The following HAS2 variants were observed in gnomAD, a reference collection of about 807,000 sequenced individuals.
HAS2 encodes the protein HA synthase 2.
In HAS2, 16 loss-of-function variants were observed where a neutral mutation model predicts 51.6. The observed-to-expected ratio is 0.31, with a 90% CI of 0.21 to 0.47. The LOEUF (loss-of-function observed/expected upper bound fraction) is 0.47, where lower values mean the gene tolerates loss of function less well. HAS2 is among the 20% of genes least tolerant of loss of function. The pLI is 1.00. For synonymous variants in HAS2, 228 were observed against 235.5 expected (o/e 0.97, Z 0.29); for missense variants, 361 against 662.6 (o/e 0.54, Z 5.00).
At position 121,614,754 on chromosome 8, in the gene HAS2, A is replaced by C. The variant is rs754644609; in HGVS notation, c.1014T>G (p.Thr338=). 1.2e-6 allele frequency: 2 copies of C among 1,614,242 alleles called. No individual in the cohort carries two copies. Among genetic ancestry groups the C allele is most frequent in the Non-Finnish European group, 1.7e-6 (2 of 1,180,036 alleles). Residue 338 remains threonine (T), a synonymous_variant, in exon 4 of 4, where the codon ACT becomes ACG. Transcript: ENST00000303924. This position sits in a 1 kb window ranked among gnomAD's most constrained non-coding sequence, Gnocchi z 7.2. The part of the protein sequence containing the change: ...TKYTARSKCL[T]ETPIEYLRWL... ...ATCTGAGATATTCTATAGGTGTTTC[A>C]GTAAGGCACTTAGATCGAGCTGTGT... is the stretch of plus-strand genomic sequence containing the variant.
chr8:121,636,769 T>C (rs1183871069), intron 1 of HAS2, among the ~76,000 whole-genome samples: 1 of 152,140 alleles, frequency 6.6e-6, no homozygotes, highest in African/African-American at 2.4e-5. Context: ...TATCTATAGG[T>C]CAAAACCCTA....
chr8:121,628,483 A>T (rs547995417), intron 2 of HAS2, among the ~76,000 whole-genome samples: 1 of 152,160 alleles, frequency 6.6e-6, no homozygotes, highest in Non-Finnish European at 1.5e-5. Context: ...CCTGATTTTT[A>T]ACCAATAACA....
chr8:121,633,136 C>CTTTTTTT (rs71816016), intron 1 of HAS2, among the ~76,000 whole-genome samples: 1 of 128,018 alleles, frequency 7.8e-6, no homozygotes, highest in Non-Finnish European at 1.6e-5. Flanking sequence ...GTTTCCCTAC[C>CTTTTTTT]TTTTTTTTTT....
chr8:121,626,056 G>C (rs758636339), intron 2 of HAS2, among the ~76,000 whole-genome samples: 4 of 152,140 alleles, frequency 2.6e-5, no homozygotes, highest in Non-Finnish European at 5.9e-5. Flanking sequence ...AGAGCTGGTA[G>C]CTGTTAAAGC....
intron 2 of HAS2, among the ~76,000 whole-genome samples, chr8:121,619,645 G>A (rs1386599962): frequency 6.6e-6 from 1 of 152,100 alleles, no homozygotes; most frequent in Non-Finnish European, 1.5e-5. Flanking sequence ...CCGGAACCTA[G>A]AAGAATTCCC....
At chr8:121,625,593 C>T (rs1812836881) in intron 2 of HAS2, among the ~76,000 whole-genome samples, 1 of 151,284 alleles carries the variant, frequency 6.6e-6, no homozygotes, top group South Asian at 2.1e-4. Flanking sequence ...CTTAGTACAG[C>T]CTGGACCTCC....
intron 2 of HAS2, among the ~76,000 whole-genome samples, chr8:121,625,634 G>A (rs920229745): frequency 8.1e-5 from 12 of 148,782 alleles, no homozygotes; most frequent in African/African-American, 3.0e-4. Context: ...TCAGCCTTCC[G>A]AGTAGCTGGG....
intron 2 of HAS2, 83 bp downstream of exon 2, chr8:121,628,631 T>A (rs1167879662): frequency 4.1e-6 from 5 of 1,206,562 alleles, no homozygotes; most frequent in Non-Finnish European, 5.9e-6. Context: ...GGGACAAGGA[T>A]GGGCTATAGC....
rs1304751620 is a variant in HAS2, at chr8:121,641,097, T to C, written c.-245A>G. 1.3e-5 allele frequency: 2 copies of C among 151,706 alleles called. No individual in the cohort carries two copies. The highest frequency in any genetic ancestry group is 4.8e-5 in the African/African-American group (2 of 41,342). 9.4% of individuals were successfully genotyped at this position (151,706 alleles called of 1,614,324 possible). A position where few individuals can be genotyped will look rare whatever the true frequency, so the allele number is the denominator to read the frequency against. On this transcript the variant is annotated 5_prime_UTR_variant, in exon 1 of 4. Transcript: ENST00000303924. ...TCTTTATGTTTCCGTTGCACTTCAG[T>C]CTAATTCTTAAAAAAATTATGCTTT...
At chr8:121,615,854 G>A (rs1252966673) in intron 3 of HAS2, among the ~76,000 whole-genome samples, 2 of 151,948 alleles carry the variant, frequency 1.3e-5, no homozygotes, top group African/African-American at 2.4e-5. Flanking sequence ...AATTTGAATC[G>A]TGAAATAATG....
intron 1 of HAS2, among the ~76,000 whole-genome samples, chr8:121,630,055 A>G (rs987255578): frequency 2.6e-5 from 4 of 151,654 alleles, no homozygotes; most frequent in Admixed American, 2.6e-4. Flanking sequence ...AGTACCCTGC[A>G]TAGATGTCTA....
At position 121,620,175 on chromosome 8, in the gene HAS2, G is replaced by A. The variant is rs200629104; in HGVS notation, c.628-2969C>T. ...ATTTTTCAACTACTGGATGCTGTTTGGTGATAGAATGCCAGCTAGAAAGCC... is the reference window on the plus strand; with the variant it reads ...ATTTTTCAACTACTGGATGCTGTTTAGTGATAGAATGCCAGCTAGAAAGCC... On this transcript the variant is annotated intron_variant, in intron 2 of 3. Transcript: ENST00000303924. Among the ~76,000 whole-genome samples, 7 of 152,282 alleles carry A rather than the reference G, an allele frequency of 4.6e-5. No individual in the cohort carries two copies. In the East Asian group the frequency reaches 1.4e-3, roughly 29 times the overall value.
chr8:121,637,167 TTTAAAATTTCA>T (rs1262314002), intron 1 of HAS2, among the ~76,000 whole-genome samples: 1 of 152,202 alleles, frequency 6.6e-6, no homozygotes, highest in African/African-American at 2.4e-5. Flanking sequence ...TACAGTATAT[TTTAAAATTTCA>T]TTAAATACAC....
intron 2 of HAS2, among the ~76,000 whole-genome samples, chr8:121,618,076 G>A (rs1409284156): frequency 6.6e-6 from 1 of 151,414 alleles, no homozygotes; most frequent in Non-Finnish European, 1.5e-5. Flanking sequence ...GTTTATAACT[G>A]TGTATTCCTA....
In HAS2 at chr8:121,613,783, T is replaced by A; in HGVS notation, c.*326A>T. On this transcript the variant is annotated 3_prime_UTR_variant, in exon 4 of 4. Transcript: ENST00000303924. ...ACTTTTCCTTGAGTTTCCAAAATCCTTTTCTTCCATGATAACCCACATAAA... is the reference window on the plus strand; with the variant it reads ...ACTTTTCCTTGAGTTTCCAAAATCCATTTCTTCCATGATAACCCACATAAA... The A allele has an allele frequency of 3.6e-6, 1 of 277,006 alleles. No homozygotes were observed. Among genetic ancestry groups the A allele is most frequent in the Non-Finnish European group, 6.9e-6 (1 of 144,010 alleles). 17.2% of individuals were successfully genotyped at this position (277,006 alleles called of 1,614,324 possible).
rs1812667870 is a variant in HAS2, at chr8:121,613,876, A to G, written c.*233T>C. ...ATGCACAGTAAGGAAAAAGTGCATA[A>G]ACAAAGAATTCATCCCATTTTCATA... On this transcript the variant is annotated 3_prime_UTR_variant, in exon 4 of 4. Coordinates refer to ENST00000303924, the MANE Select transcript of HAS2 (RefSeq NM_005328.3). 1.6e-6 allele frequency: 1 copy of G among 617,978 alleles called. No individual in the cohort carries two copies. Among genetic ancestry groups the G allele is most frequent in the African/African-American group, 1.8e-5 (1 of 54,164 alleles). 38.3% of individuals were successfully genotyped at this position (617,978 alleles called of 1,614,324 possible). A position where few individuals can be genotyped will look rare whatever the true frequency, so the allele number is the denominator to read the frequency against.
intron 2 of HAS2, among the ~76,000 whole-genome samples, chr8:121,617,619 A>T (rs1205783550): frequency 1.3e-5 from 2 of 152,124 alleles, no homozygotes; most frequent in South Asian, 4.1e-4. Flanking sequence ...TACCTTCAAT[A>T]AGGCTTTTAG....
At chr8:121,616,531 G>A (rs577232128) in intron 3 of HAS2, among the ~76,000 whole-genome samples, 1 of 150,880 alleles carries the variant, frequency 6.6e-6, no homozygotes, top group Non-Finnish European at 1.5e-5. Context: ...CCACCTCCCA[G>A]GTCCAAGAAT....
chr8:121,638,980 G>A (rs568881657), intron 1 of HAS2, among the ~76,000 whole-genome samples: 1 of 152,308 alleles, frequency 6.6e-6, no homozygotes, highest in East Asian at 1.9e-4. Context: ...GTAAATATGT[G>A]TTGACCTTTT....
Sources: allele counts gnomAD v4.1 joint callset (sites outside exome capture counted in the v4.1 genomes callset), GRCh38; gene constraint gnomAD v4.1.1; non-coding constraint Gnocchi (gnomAD v3.1); transcripts MANE v1.5; gene names NCBI Gene and HGNC (gene_info 2026-07-23, HGNC 2026-07-21).